RBFOX1: variants seen among roughly 807,000 people sequenced by gnomAD.
RBFOX1 encodes RNA binding protein fox-1 homolog 1.
A neutral mutation model predicts 57.7 loss-of-function variants in RBFOX1; 8 were observed. The observed-to-expected ratio is 0.14, with a 90% CI of 0.08 to 0.25. RBFOX1 has a LOEUF of 0.25. Among genes scored for constraint, RBFOX1 ranks in the 10% least tolerant of loss-of-function variants. RBFOX1 has a pLI of 1.00. For synonymous variants in RBFOX1, 326 were observed against 222.4 expected (o/e 1.47, Z -4.15); for missense variants, 611 against 548.5 (o/e 1.11, Z -1.14).
At chr16:5,357,576 G>C (rs1191169867) in intron 1 of RBFOX1, among the ~76,000 whole-genome samples, 2 of 152,234 alleles carry the variant, frequency 1.3e-5, no homozygotes, top group Non-Finnish European at 2.9e-5. Context: ...TGTAGATTCA[G>C]ATTCAGCAGG....
intron 2 of RBFOX1, among the ~76,000 whole-genome samples, chr16:6,614,316 C>T (rs1482054379): frequency 6.6e-6 from 1 of 152,122 alleles, no homozygotes; most frequent in African/African-American, 2.4e-5. Context: ...GACTTCCTGC[C>T]CTCCAGCCAT....
chr16:7,462,457 C>T (rs938141181), intron 4 of RBFOX1, among the ~76,000 whole-genome samples: 2 of 152,190 alleles, frequency 1.3e-5, no homozygotes, highest in Admixed American at 1.3e-4. Flanking sequence ...TGCCATTGCA[C>T]GCCAGCCTGG....
chr16:6,959,234 A>T (rs528707042), intron 3 of RBFOX1, among the ~76,000 whole-genome samples: 1 of 152,272 alleles, frequency 6.6e-6, no homozygotes, highest in African/African-American at 2.4e-5. Flanking sequence ...TCTCTTTGCT[A>T]AGCTCAGGGG....
chr16:5,325,218 T>C (rs951824838), intron 1 of RBFOX1, among the ~76,000 whole-genome samples: 1 of 152,086 alleles, frequency 6.6e-6, no homozygotes, highest in Admixed American at 6.6e-5. Context: ...CCTTCCCTCT[T>C]CTTGTCTCCT....
At chr16:6,207,712 G>C (rs769976228) in intron 1 of RBFOX1, among the ~76,000 whole-genome samples, 60 of 151,974 alleles carry the variant, frequency 3.9e-4, no homozygotes, top group Non-Finnish European at 7.8e-4. Context: ...TTTTGAGACA[G>C]GGCCTCACTC....
intron 2 of RBFOX1, among the ~76,000 whole-genome samples, chr16:6,550,273 G>A (rs1271425434): frequency 6.6e-6 from 1 of 152,086 alleles, no homozygotes; most frequent in African/African-American, 2.4e-5. Flanking sequence ...CGCCTCCCAG[G>A]TTCAACAATT....
At position 7,404,273 on chromosome 16, in the gene RBFOX1, T is replaced by C. The variant is rs542924846; in HGVS notation, c.28-113874T>C. Among the ~76,000 whole-genome samples the C allele has an allele frequency of 2.6e-5, 4 of 151,688 alleles. No individual in the cohort carries two copies. The South Asian group carries it at 8.4e-4, about 32-fold the overall frequency. On this transcript the variant is annotated intron_variant, in intron 4 of 15. Coordinates refer to ENST00000550418, the MANE Select transcript of RBFOX1 (RefSeq NM_018723.4). ...TCACCATGTTAGTCAGGCTGGTCTC[T>C]AACTCCTGACCTCAGGTGATCTGCC...
intron 1 of RBFOX1, among the ~76,000 whole-genome samples, chr16:5,341,413 G>A (rs74438056): frequency 6.6e-6 from 1 of 152,168 alleles, no homozygotes; most frequent in South Asian, 2.1e-4. Flanking sequence ...GATCATGGGG[G>A]GTAGAATGTC....
At chr16:6,096,126 G>C (rs1215991987) in intron 1 of RBFOX1, among the ~76,000 whole-genome samples, 2 of 152,190 alleles carry the variant, frequency 1.3e-5, no homozygotes, top group East Asian at 3.9e-4. Context: ...AAACGACCTT[G>C]TCATTGATTT....
chr16:6,843,965 C>T (rs141417316), intron 3 of RBFOX1, among the ~76,000 whole-genome samples: 9 of 152,104 alleles, frequency 5.9e-5, no homozygotes, highest in Non-Finnish European at 1.2e-4. Flanking sequence ...TTGCTTGGAT[C>T]GTAATGTGTA....
At chr16:7,436,145 C>T (rs181606330) in intron 4 of RBFOX1, among the ~76,000 whole-genome samples, 18 of 152,294 alleles carry the variant, frequency 1.2e-4, no homozygotes, top group South Asian at 6.2e-4. Context: ...AGTACATTTC[C>T]AGTTCTCACA....
chr16:6,603,350 G>A (rs1334281405), intron 2 of RBFOX1, among the ~76,000 whole-genome samples: 1 of 152,182 alleles, frequency 6.6e-6, no homozygotes, highest in Non-Finnish European at 1.5e-5. Flanking sequence ...ATAGCTTGAT[G>A]TATACAACTA....
At chr16:5,834,076 G>T (rs1444504420) in intron 3 of RBFOX1, among the ~76,000 whole-genome samples, 1 of 152,168 alleles carries the variant, frequency 6.6e-6, no homozygotes, top group Non-Finnish European at 1.5e-5. Flanking sequence ...TTTTAGGTAG[G>T]CTTAGTTGCA....
chr16:6,589,557 T>C (rs1020337767), intron 2 of RBFOX1, among the ~76,000 whole-genome samples: 1 of 152,200 alleles, frequency 6.6e-6, no homozygotes, highest in African/African-American at 2.4e-5. Flanking sequence ...TCTCGACCAC[T>C]GGTCTTATAT....
At chr16:6,924,208 C>A (rs1330509513) in intron 3 of RBFOX1, among the ~76,000 whole-genome samples, 2 of 149,124 alleles carry the variant, frequency 1.3e-5, no homozygotes, top group African/African-American at 5.0e-5. Context: ...ATAATGCCAC[C>A]TGAAACTGGG....
intron 1 of RBFOX1, among the ~76,000 whole-genome samples, chr16:6,136,747 A>T (rs142032839): frequency 6.6e-6 from 1 of 152,204 alleles, no homozygotes; most frequent in Non-Finnish European, 1.5e-5. Context: ...TACCTAATGC[A>T]TCACAAGCCG....
At chr16:6,029,545 G>T (rs936774161) in intron 1 of RBFOX1, among the ~76,000 whole-genome samples, 6 of 151,164 alleles carry the variant, frequency 4.0e-5, no homozygotes, top group African/African-American at 1.5e-4. Context: ...AGGCTGAGGC[G>T]GGTGGATCAC....
chr16:7,625,675 T>C (rs7200622), intron 10 of RBFOX1, among the ~76,000 whole-genome samples: 78,284 of 151,648 alleles, frequency 0.52, 20,291 homozygotes, highest in East Asian at 0.73. Context: ...TTGTTTAAAT[T>C]CAGAAATTAT....
intron 1 of RBFOX1, among the ~76,000 whole-genome samples, chr16:5,462,898 G>A (rs764183614): frequency 4.6e-5 from 7 of 152,098 alleles, no homozygotes; most frequent in Non-Finnish European, 8.8e-5. Flanking sequence ...AGAATAATCT[G>A]GCCTGAATTT....
Sources: allele counts gnomAD v4.1 joint callset (sites outside exome capture counted in the v4.1 genomes callset), GRCh38; gene constraint gnomAD v4.1.1; transcripts MANE v1.5; gene names NCBI Gene and HGNC (gene_info 2026-07-23, HGNC 2026-07-21).